The following BMERB1 variants were observed in gnomAD, a reference collection of about 807,000 sequenced individuals.
BMERB1 encodes bMERB domain containing 1.
In BMERB1, 12 loss-of-function variants were observed where a neutral mutation model predicts 23.6. That is an observed-to-expected ratio of 0.51 (90% CI 0.33 to 0.82). The LOEUF (loss-of-function observed/expected upper bound fraction) is 0.82, where lower values mean the gene tolerates loss of function less well. Among genes scored for constraint, BMERB1 ranks in the 40% least tolerant of loss-of-function variants. BMERB1 has a pLI of 0.03. For missense variants in BMERB1, 247 were observed against 255.4 expected, an observed-to-expected ratio of 0.97 and a Z score of 0.22; for synonymous variants, 122 against 96.6, an observed-to-expected ratio of 1.26 and a Z score of -1.54.
chr16:15,448,706 C>T (rs1175095467), intron 1 of BMERB1, among the ~76,000 whole-genome samples: 3 of 152,236 alleles, frequency 2.0e-5, no homozygotes, highest in South Asian at 2.1e-4. Flanking sequence ...GCATGAGAAT[C>T]GCTTGAACCT....
At chr16:15,476,126 A>G (rs2051272977) in intron 1 of BMERB1, among the ~76,000 whole-genome samples, 1 of 149,130 alleles carries the variant, frequency 6.7e-6, no homozygotes, top group African/African-American at 2.5e-5. Context: ...GTTTAAATTC[A>G]TTACTGCATA....
intron 3 of BMERB1, among the ~76,000 whole-genome samples, chr16:15,579,491 C>T (rs1056919564): frequency 3.9e-5 from 6 of 152,160 alleles, no homozygotes; most frequent in Non-Finnish European, 5.9e-5. Context: ...TTATGTTCTC[C>T]TTACCCCTGG....
chr16:15,586,737 G>A lies in BMERB1; in HGVS notation c.523G>A (p.Ala175Thr), dbSNP rs1370960780. The A allele has an allele frequency of 6.2e-7, 1 of 1,611,468 alleles. No homozygotes were observed. Reference protein sequence around the residue: ...SPASSRAEKKAEPPPSKPTVA... With the variant: ...SPASSRAEKKTEPPPSKPTVA... ...TGCAGGCTCCCGGGCAGAGAAGAAA[G>A]CAGAGCCCCCACCTAGCAAGCCCAC... Residue 175 changes from alanine (A) to threonine (T), a missense_variant, in exon 6 of 6, where the codon GCA becomes ACA. Transcript: ENST00000300006.
rs1283537559 is a variant in BMERB1, at chr16:15,506,181, TTCTTTTA to T, written c.107-9122_107-9116del. Among the ~76,000 whole-genome samples the T allele has an allele frequency of 2.9e-3, 439 of 152,078 alleles. 5 individuals are homozygous for T. The highest frequency in any genetic ancestry group is 0.01 in the African/African-American group (424 of 41,508). ...CTTCCTAATCTTTTGTTTTTCTTTT[TTCTTTTA>T]TTTTTGAGACGGAGTCTTGCTCTGT... On this transcript the variant is annotated intron_variant, in intron 1 of 5. Transcript: ENST00000300006.
intron 1 of BMERB1, among the ~76,000 whole-genome samples, chr16:15,441,761 A>G (rs1019795038): frequency 2.6e-5 from 4 of 152,082 alleles, no homozygotes; most frequent in Non-Finnish European, 4.4e-5. Context: ...CTCAAAAGCA[A>G]TCTGCCTGTC....
chr16:15,481,225 AAAT>A (rs949843560), intron 1 of BMERB1, among the ~76,000 whole-genome samples: 11 of 152,160 alleles, frequency 7.2e-5, no homozygotes, highest in African/African-American at 2.4e-4. Context: ...GCTAAAAAAA[AAAT>A]AATAATACAA....
chr16:15,465,359 T>C (rs1006979933), intron 1 of BMERB1, among the ~76,000 whole-genome samples: 1 of 150,754 alleles, frequency 6.6e-6, no homozygotes, highest in African/African-American at 2.5e-5. Context: ...ATATATTTTT[T>C]TTTTTTTTTT....
intron 2 of BMERB1, chr16:15,536,592 T>C (rs9927980): frequency 0.71 from 107,513 of 152,242 alleles, 38,388 homozygotes; most frequent in African/African-American, 0.79. Flanking sequence ...TTTACAGAAG[T>C]AGCCAGAAGT....
intron 2 of BMERB1, among the ~76,000 whole-genome samples, chr16:15,551,920 G>A (rs1017899790): frequency 1.3e-5 from 2 of 151,996 alleles, no homozygotes; most frequent in African/African-American, 2.4e-5. Context: ...CTCCTGCCTC[G>A]GCCTCCCTTA....
At chr16:15,564,543 T>A (rs1331384613) in intron 2 of BMERB1, among the ~76,000 whole-genome samples, 2 of 152,238 alleles carry the variant, frequency 1.3e-5, no homozygotes, top group African/African-American at 4.8e-5. Context: ...ATTGGTTTAT[T>A]TGCAAAATTC....
chr16:15,548,648 C>A (rs2029993903), intron 2 of BMERB1, among the ~76,000 whole-genome samples: 1 of 152,224 alleles, frequency 6.6e-6, no homozygotes, highest in East Asian at 1.9e-4. Context: ...GCCTGCCCTA[C>A]TTTGGGGCAT....
At chr16:15,507,244 C>G (rs913538336) in intron 1 of BMERB1, among the ~76,000 whole-genome samples, 1 of 152,212 alleles carries the variant, frequency 6.6e-6, no homozygotes, top group African/African-American at 2.4e-5. Flanking sequence ...AGCCCTCATC[C>G]TCTATCACCT....
chr16:15,515,015 G>C (rs886936243), intron 1 of BMERB1, among the ~76,000 whole-genome samples: 1 of 152,194 alleles, frequency 6.6e-6, no homozygotes, highest in African/African-American at 2.4e-5. Flanking sequence ...CTGGGAGATG[G>C]AGCTTGCAGT....
chr16:15,499,339 A>G (rs2051504176), intron 1 of BMERB1, among the ~76,000 whole-genome samples: 1 of 151,402 alleles, frequency 6.6e-6, no homozygotes, highest in Admixed American at 6.6e-5. Context: ...TGGAGGTTGC[A>G]GTGAGCCGAG....
At chr16:15,583,511 G>C (rs537354954) in intron 5 of BMERB1, among the ~76,000 whole-genome samples, 1 of 151,816 alleles carries the variant, frequency 6.6e-6, no homozygotes, top group Admixed American at 6.6e-5. Flanking sequence ...CCGGGAGGTG[G>C]GGGTTGCAGT....
intron 5 of BMERB1, chr16:15,584,136 G>A (rs2031083434): frequency 2.6e-5 from 18 of 688,828 alleles, no homozygotes; most frequent in Middle Eastern, 3.5e-4. Context: ...TATTTGGAGA[G>A]TCCCAGTGTC....
chr16:15,554,674 CT>C (rs1204314538), intron 2 of BMERB1, among the ~76,000 whole-genome samples: 17 of 111,334 alleles, frequency 1.5e-4, no homozygotes, highest in Non-Finnish European at 1.5e-4. Flanking sequence ...TTTTTTTTTT[CT>C]TTTTTTTTTT....
intron 1 of BMERB1, among the ~76,000 whole-genome samples, chr16:15,511,069 A>G (rs1373674870): frequency 6.6e-6 from 1 of 151,924 alleles, no homozygotes; most frequent in African/African-American, 2.4e-5. Context: ...CACTGCTTCA[A>G]TCCCAGGAGC....
intron 1 of BMERB1, among the ~76,000 whole-genome samples, chr16:15,486,517 A>G (rs1207978342): frequency 6.6e-6 from 1 of 152,166 alleles, no homozygotes; most frequent in Non-Finnish European, 1.5e-5. Flanking sequence ...CTCAGCACCA[A>G]AAGCTCAGGG....
Sources: allele counts gnomAD v4.1 joint callset (sites outside exome capture counted in the v4.1 genomes callset), GRCh38; gene constraint gnomAD v4.1.1; transcripts MANE v1.5; gene names NCBI Gene and HGNC (gene_info 2026-07-23, HGNC 2026-07-21).